PCDHGB3: variants seen among roughly 807,000 people sequenced by gnomAD.
PCDHGB3 encodes the protein protocadherin gamma-B3.
PCDHGB3 carries 40 observed loss-of-function variants against 59.2 expected under a neutral mutation model. The ratio of observed to expected loss-of-function variants is 0.68; its 90% CI spans 0.52 to 0.88. PCDHGB3 has a LOEUF of 0.88. Among genes scored for constraint, PCDHGB3 ranks in the 40% least tolerant of loss-of-function variants. The pLI, the probability that PCDHGB3 is intolerant of heterozygous loss-of-function variation, is 0.00. For synonymous variants in PCDHGB3, 581 were observed against 503.6 expected (o/e 1.15, Z -2.06); for missense variants, 1,309 against 1,187.9 (o/e 1.10, Z -1.50).
Position 141,491,756 on chromosome 5 carries a change from C to T in PCDHGB3, c.2416-3051C>T. The T allele has an allele frequency of 1.3e-6, 2 of 1,581,720 alleles. No individual in the cohort carries two copies. Among genetic ancestry groups the T allele is most frequent in the Non-Finnish European group, 8.6e-7 (1 of 1,165,100 alleles). ...CCTGGGGGCGGCACTGGAGAAGCCG[C>T]CCGTCCTCATAAGGGATTGAACTTG... On this transcript the variant is annotated intron_variant, in intron 1 of 3. Coordinates refer to ENST00000576222, the MANE Select transcript of PCDHGB3 (RefSeq NM_018924.5). This position sits in a 1 kb window ranked among gnomAD's most constrained non-coding sequence, Gnocchi z 6.9.
Position 141,476,944 on chromosome 5 carries a change from C to A in PCDHGB3, c.2416-17863C>A. The A allele has an allele frequency of 1.9e-6, 3 of 1,614,188 alleles. No individual in the cohort carries two copies. The highest frequency in any genetic ancestry group is 2.5e-6 in the Non-Finnish European group (3 of 1,180,044). ...CAACGGATCTGGATGAAGGCCCCAA[C>A]GGTGAAATTATTTACTCCTTCGGCA... On this transcript the variant is annotated intron_variant, in intron 1 of 3. Transcript: ENST00000576222. This position sits in a 1 kb window ranked among gnomAD's most constrained non-coding sequence, Gnocchi z 7.6.
chr5:141,418,699 C>A, intron 1 of PCDHGB3: 1 of 1,614,014 alleles, frequency 6.2e-7, no homozygotes, highest in Non-Finnish European at 8.5e-7. Context: ...TCACTTATTC[C>A]TTCTTTGGTG....
At position 141,370,526 on chromosome 5, in the gene PCDHGB3, C is replaced by T. The variant is rs533530770; in HGVS notation, c.132C>T (p.Gly44=). 25 of 1,613,860 alleles carry T rather than the reference C, an allele frequency of 1.5e-5. No individual in the cohort carries two copies. In the East Asian group the frequency reaches 4.0e-4, roughly 26 times the overall value. ...CTATTCCCGAGGAGCTGGACAGGGG[C>T]TCGCTGGTAGGGAACCTCGCCAAGG... ...RYAIPEELDR[G]SLVGNLAKDL... Residue 44 remains glycine (G), a synonymous_variant, in exon 1 of 4, where the codon GGC becomes GGT. Transcript: ENST00000576222.
rs201538255 is a variant in PCDHGB3 at position 141,476,796 on chromosome 5, G to A, written c.2416-18011G>A. 10 of 1,613,584 alleles carry A rather than the reference G, an allele frequency of 6.2e-6. No individual in the cohort carries two copies. In the East Asian group the frequency reaches 2.2e-4, roughly 36 times the overall value. On this transcript the variant is annotated intron_variant, in intron 1 of 3. Transcript: ENST00000576222. This position sits in a 1 kb window ranked among gnomAD's most constrained non-coding sequence, Gnocchi z 7.6. Reference sequence around the variant, plus strand: ...GGAGGGACCCCAGCTCTCTCCGCCAGCCTGCCTATTCACATCAAGGTGCTG... The same window carrying A: ...GGAGGGACCCCAGCTCTCTCCGCCAACCTGCCTATTCACATCAAGGTGCTG...
intron 1 of PCDHGB3, chr5:141,413,431 G>T (rs963192857): frequency 1.9e-6 from 3 of 1,614,092 alleles, no homozygotes; most frequent in Non-Finnish European, 2.5e-6. Context: ...CCCGCGCAGC[G>T]GCAGCTTGAT....
intron 1 of PCDHGB3, chr5:141,430,865 C>G: frequency 6.3e-7 from 1 of 1,595,350 alleles, no homozygotes; most frequent in Non-Finnish European, 8.5e-7. Flanking sequence ...CTATTCAGTT[C>G]CGGAAGAGCT....
chr5:141,383,876 G>T (rs747987128), intron 1 of PCDHGB3: 1 of 1,613,978 alleles, frequency 6.2e-7, no homozygotes, highest in South Asian at 1.1e-5. Flanking sequence ...GATGGTCCTG[G>T]TAGTCTGACA....
chr5:141,403,607 G>A (rs2094432931), intron 1 of PCDHGB3: 6 of 1,613,854 alleles, frequency 3.7e-6, no homozygotes, highest in Non-Finnish European at 5.1e-6. Flanking sequence ...GGATGGCGGC[G>A]AGCCGCGTCG....
At chr5:141,423,102 C>A (rs778561065) in intron 1 of PCDHGB3, 2 of 1,613,802 alleles carry the variant, frequency 1.2e-6, no homozygotes, top group Non-Finnish European at 1.7e-6. Flanking sequence ...AGCACACGGG[C>A]GAGGTGCGTA....
chr5:141,478,186 C>T, intron 1 of PCDHGB3: 2 of 1,614,016 alleles, frequency 1.2e-6, no homozygotes, highest in Non-Finnish European at 1.7e-6. Context: ...AAAAAAATCT[C>T]ACCTTTTATC....
intron 1 of PCDHGB3, among the ~76,000 whole-genome samples, chr5:141,406,261 C>T (rs2154537343): frequency 6.6e-6 from 1 of 152,132 alleles, no homozygotes; most frequent in African/African-American, 2.4e-5. Flanking sequence ...CTCAAACGAT[C>T]TTCCTGCTTC....
intron 1 of PCDHGB3, among the ~76,000 whole-genome samples, chr5:141,448,768 G>T (rs544426582): frequency 2.6e-5 from 4 of 151,750 alleles, no homozygotes; most frequent in Non-Finnish European, 4.4e-5. Context: ...GTGAAACCCC[G>T]TCTGTACTAA....
rs1271891195 is a variant in PCDHGB3, at chr5:141,477,108, C to A, written c.2416-17699C>A. The A allele has an allele frequency of 2.5e-6, 4 of 1,614,232 alleles. No individual in the cohort carries two copies. Among genetic ancestry groups the A allele is most frequent in the Non-Finnish European group, 2.5e-6 (3 of 1,180,046 alleles). ...CAGGCCAAAGACAAGGGCGCCAATCCCGAAGGAGCACATTGCAAAGTGTTG... is the reference window on the plus strand; with the variant it reads ...CAGGCCAAAGACAAGGGCGCCAATCACGAAGGAGCACATTGCAAAGTGTTG... On this transcript the variant is annotated intron_variant, in intron 1 of 3. Coordinates refer to ENST00000576222, the MANE Select transcript of PCDHGB3 (RefSeq NM_018924.5). The surrounding 1 kb of genome is among the most constrained non-coding windows in gnomAD (Gnocchi z 4.9).
intron 1 of PCDHGB3, chr5:141,423,323 C>T (rs200492485): frequency 6.2e-7 from 1 of 1,614,146 alleles, no homozygotes; most frequent in East Asian, 2.2e-5. Flanking sequence ...GTGGCGGTGG[C>T]CGCAGTCTCC....
intron 1 of PCDHGB3, among the ~76,000 whole-genome samples, chr5:141,451,430 T>C (rs1441183396): frequency 2.0e-5 from 3 of 152,240 alleles, no homozygotes; most frequent in Non-Finnish European, 4.4e-5. Context: ...AGACTAAGGG[T>C]TCCAGTTCCT....
intron 1 of PCDHGB3, chr5:141,428,437 C>G: frequency 2.5e-6 from 1 of 400,386 alleles, no homozygotes; most frequent in East Asian, 5.4e-5. Flanking sequence ...TAAGACTAGA[C>G]CAGGGGTTTT....
Position 141,415,739 on chromosome 5 carries a change from GGTTTT to G in PCDHGB3, c.2415+42931_2415+42935del, listed in dbSNP as rs2095909931. ...ATGAGTAGAATTTGATGTTTATTAA[GGTTTT>G]TTTTTTTTTTTTTTTTTTTTTTTTT... On this transcript the variant is annotated intron_variant, in intron 1 of 3. Transcript: ENST00000576222. 124 of 435,052 alleles carry G rather than the reference GGTTTT, an allele frequency of 2.9e-4. No homozygotes were observed. The African/African-American group carries it at 3.6e-3, about 13-fold the overall frequency. 26.9% of individuals were successfully genotyped at this position (435,052 alleles called of 1,614,324 possible).
chr5:141,415,067 G>A, intron 1 of PCDHGB3: 1 of 1,613,398 alleles, frequency 6.2e-7, no homozygotes, highest in Non-Finnish European at 8.5e-7. Context: ...GGCGAGGTGC[G>A]CACGGCGCGA....
At chr5:141,479,823 G>A (rs1208437635) in intron 1 of PCDHGB3, among the ~76,000 whole-genome samples, 1 of 152,172 alleles carries the variant, frequency 6.6e-6, no homozygotes, top group Admixed American at 6.5e-5. Context: ...TACTATCCAA[G>A]GCATGGTATC....
Sources: gnomAD v4.1 joint callset for allele counts (sites outside exome capture counted in the v4.1 genomes callset) on GRCh38, gnomAD v4.1.1 for gene constraint, Gnocchi (gnomAD v3.1) non-coding constraint, MANE v1.5 for transcripts, NCBI Gene and HGNC (gene_info 2026-07-23, HGNC 2026-07-21) for gene names.